The following RIPOR3 variants were observed in gnomAD, a reference collection of about 807,000 sequenced individuals.
The protein encoded by RIPOR3 is RIPOR family member 3, also known as family with sequence similarity 65 member C.
A neutral mutation model predicts 114.3 loss-of-function variants in RIPOR3; 95 were observed. That is an observed-to-expected ratio of 0.83 (90% CI 0.70 to 0.99). The LOEUF (loss-of-function observed/expected upper bound fraction) is 0.99. Ranked by LOEUF, RIPOR3 falls within the 50% of genes least tolerant of loss-of-function variation. The pLI, the probability that RIPOR3 is intolerant of heterozygous loss-of-function variation, is 0.00. For synonymous variants in RIPOR3, 575 were observed against 543.8 expected (o/e 1.06, Z -0.80); for missense variants, 1,252 against 1,266.9 (o/e 0.99, Z 0.18).
intron 2 of RIPOR3, chr20:50,621,036 G>A: frequency 2.1e-6 from 1 of 480,166 alleles, no homozygotes; most frequent in Non-Finnish European, 4.1e-6. Context: ...CCGAGCCAAT[G>A]TCCTGGCCGC....
Position 50,619,826 on chromosome 20 carries a change from G to A in RIPOR3, c.269+160C>T, listed in dbSNP as rs111641782. Among the ~76,000 whole-genome samples, 180 of 152,306 alleles carry A rather than the reference G, an allele frequency of 1.2e-3. 2 individuals carry two copies. The highest frequency in any genetic ancestry group is 4.0e-3 in the African/African-American group (165 of 41,556). On this transcript the variant is annotated intron_variant, in intron 3 of 21. Coordinates refer to ENST00000327979, the MANE Select transcript of RIPOR3 (RefSeq NM_001290268.2). Reference sequence around the variant, plus strand: ...AGTGCCCAAGGACCGGGCTGAGCACGCGGCTGCACCCTGACATACTTGCTT... The same window carrying A: ...AGTGCCCAAGGACCGGGCTGAGCACACGGCTGCACCCTGACATACTTGCTT...
rs1258532719 is a variant in RIPOR3 at position 50,602,121 on chromosome 20, T to G, written c.1610A>C (p.Gln537Pro). Residue 537 changes from glutamine (Q) to proline (P), a missense_variant, in exon 13 of 22, where the codon CAG becomes CCG. Coordinates refer to ENST00000327979, the MANE Select transcript of RIPOR3 (RefSeq NM_001290268.2). The surrounding 1 kb of genome is among the most constrained non-coding windows in gnomAD (Gnocchi z 4.3). ...GACCTGGTACTCCAGCTCCCGGAGC[T>G]GGGGCTGGGTGGAGTCCGTGGGCCT... The part of the protein sequence containing the change: ...LLRPTDSTQP[Q>P]LRELEYQVLG... The G allele has an allele frequency of 1.2e-6, 2 of 1,605,658 alleles. No individual in the cohort carries two copies. The highest frequency in any genetic ancestry group is 1.1e-5 in the South Asian group (1 of 90,322).
In RIPOR3 at chr20:50,602,798, A is replaced by G. The variant is rs992753123; in HGVS notation, c.1087-154T>C. Among the ~76,000 whole-genome samples, 11 of 152,150 alleles carry G rather than the reference A, an allele frequency of 7.2e-5. No individual in the cohort carries two copies. Among genetic ancestry groups the G allele is most frequent in the Admixed American group, 6.5e-4 (10 of 15,280 alleles). ...GGTGACCAGCATCCCAGAGGTGCAGAAAAAACCCTGTCCCCTCTCTGCACT... is the reference window on the plus strand; with the variant it reads ...GGTGACCAGCATCCCAGAGGTGCAGGAAAAACCCTGTCCCCTCTCTGCACT... On this transcript the variant is annotated intron_variant, in intron 12 of 21. Transcript: ENST00000327979. The surrounding 1 kb of genome is among the most constrained non-coding windows in gnomAD (Gnocchi z 4.3).
Position 50,619,177 on chromosome 20 carries a change from A to T in RIPOR3, c.269+809T>A, listed in dbSNP as rs372468504. ...AAAATAAGGAGGCTATGCCAGGTGC[A>T]GTGGCTCACGCTTGAACCCAGGAGG... is the stretch of plus-strand genomic sequence containing the variant. On this transcript the variant is annotated intron_variant, in intron 3 of 21. Transcript: ENST00000327979. 3.9e-5 allele frequency among the ~76,000 whole-genome samples: 6 copies of T among 152,216 alleles called. No homozygotes were observed. In the East Asian group the frequency reaches 5.8e-4, roughly 15 times the overall value.
intron 1 of RIPOR3, among the ~76,000 whole-genome samples, chr20:50,657,744 T>C (rs1438700821): frequency 6.6e-6 from 1 of 150,682 alleles, no homozygotes; most frequent in Non-Finnish European, 1.5e-5. Context: ...GTAAATGTCT[T>C]TTACTTTTTT....
At chr20:50,596,031 G>T (rs1189939368) in intron 15 of RIPOR3, 109 bp downstream of exon 15, 45 of 1,475,912 alleles carry the variant, frequency 3.0e-5, no homozygotes, top group Non-Finnish European at 4.2e-5. Context: ...CTTCCAGGAT[G>T]CAGGTCTGTC....
chr20:50,591,184 A>G (rs918545273), intron 19 of RIPOR3, among the ~76,000 whole-genome samples: 5 of 152,230 alleles, frequency 3.3e-5, no homozygotes, highest in South Asian at 4.1e-4. Context: ...TGTAGATACT[A>G]TTTTAACAAA....
intron 20 of RIPOR3, among the ~76,000 whole-genome samples, chr20:50,588,806 C>T (rs534676933): frequency 1.0e-4 from 15 of 149,772 alleles, no homozygotes; most frequent in African/African-American, 3.2e-4. Context: ...CTAGGCCGGG[C>T]GCGGTGGCTC....
At chr20:50,596,543 C>T (rs1029760352) in intron 14 of RIPOR3, among the ~76,000 whole-genome samples, 7 of 152,180 alleles carry the variant, frequency 4.6e-5, no homozygotes, top group Non-Finnish European at 8.8e-5. Context: ...AGCTCTGTGA[C>T]GCTGGACAAG....
At position 50,599,775 on chromosome 20, in the gene RIPOR3, G is replaced by A. The variant is rs1335875012; in HGVS notation, c.1660-2065C>T. 9.9e-5 allele frequency among the ~76,000 whole-genome samples: 15 copies of A among 152,240 alleles called. No individual in the cohort carries two copies. The East Asian group carries it at 1.3e-3, about 14-fold the overall frequency. On this transcript the variant is annotated intron_variant, in intron 13 of 21. Coordinates refer to ENST00000327979, the MANE Select transcript of RIPOR3 (RefSeq NM_001290268.2). ...CGGCCCCAAAACCCACTTTGGAATCGCCTCGAGTATTGATTTGGGGGTTAG... is the reference window on the plus strand; with the variant it reads ...CGGCCCCAAAACCCACTTTGGAATCACCTCGAGTATTGATTTGGGGGTTAG...
In RIPOR3 at chr20:50,604,706, T is replaced by C. The variant is rs1435421791; in HGVS notation, c.1025A>G (p.Lys342Arg). 2 of 1,609,894 alleles carry C rather than the reference T, an allele frequency of 1.2e-6. No individual in the cohort carries two copies. The highest frequency in any genetic ancestry group is 1.7e-6 in the Non-Finnish European group (2 of 1,178,540). The change falls in exon 12 of 22, where the codon AAG becomes AGG. Residue 342 changes from lysine (K) to arginine (R), a missense_variant. By Grantham distance (26) the Lys-to-Arg change is conservative. Coordinates refer to ENST00000327979, the MANE Select transcript of RIPOR3 (RefSeq NM_001290268.2). ...GGGTGTCCAGTTGTACAAGGAGCCC[T>C]TCCTGCTGCCCATAGAAAACTTGCC... ...PTGKFSMGSR[K>R]GSLYNWTPPS...
chr20:50,617,251 C>T (rs1006164221), intron 3 of RIPOR3, among the ~76,000 whole-genome samples: 2 of 152,178 alleles, frequency 1.3e-5, no homozygotes, highest in Non-Finnish European at 1.5e-5. Flanking sequence ...CTGGGCTCTA[C>T]TGACACCACC....
intron 17 of RIPOR3, 129 bp from the exon 18 acceptor site, chr20:50,593,325 CA>C: frequency 9.5e-7 from 1 of 1,056,086 alleles, no homozygotes; most frequent in South Asian, 1.7e-5. Flanking sequence ...GTAACCCCAG[CA>C]CTTTGGGAGG....
intron 1 of RIPOR3, among the ~76,000 whole-genome samples, chr20:50,637,298 T>A (rs2085021584): frequency 1.3e-5 from 2 of 151,938 alleles, no homozygotes; most frequent in African/African-American, 4.8e-5. Flanking sequence ...GGAGCCCCCC[T>A]CCAGCCTTTG....
chr20:50,625,900 C>A (rs1039233325), intron 2 of RIPOR3, among the ~76,000 whole-genome samples: 6 of 152,202 alleles, frequency 3.9e-5, no homozygotes, highest in Admixed American at 3.9e-4. Flanking sequence ...AATTTCCCCA[C>A]CAGGTTACTT....
chr20:50,609,000 C>G (rs1049071693), intron 8 of RIPOR3, 45 bp from the exon 9 acceptor site: 46 of 1,555,326 alleles, frequency 3.0e-5, no homozygotes, highest in Non-Finnish European at 3.5e-5. Context: ...TTCCACTCTC[C>G]CTGACCTGGG....
intron 19 of RIPOR3, 135 bp downstream of exon 19, chr20:50,592,209 G>A: frequency 5.9e-6 from 5 of 852,610 alleles, no homozygotes; most frequent in Non-Finnish European, 6.8e-6. Context: ...TCGTAGCCCA[G>A]GTCCCTCCAT....
At chr20:50,593,249 C>G in intron 17 of RIPOR3, 53 bp from the exon 18 acceptor site, 3 of 1,578,490 alleles carry the variant, frequency 1.9e-6, no homozygotes. Flanking sequence ...ACCCTCCACG[C>G]TTCTCAGCTG....
intron 1 of RIPOR3, among the ~76,000 whole-genome samples, chr20:50,641,938 T>TG (rs1214730009): frequency 1.3e-5 from 2 of 152,194 alleles, no homozygotes; most frequent in East Asian, 1.9e-4. Flanking sequence ...AGAAATGGTC[T>TG]GGGGGGTAAG....
Sources: gnomAD v4.1 joint callset for allele counts (sites outside exome capture counted in the v4.1 genomes callset) on GRCh38, gnomAD v4.1.1 for gene constraint, Gnocchi (gnomAD v3.1) non-coding constraint, MANE v1.5 for transcripts, NCBI Gene and HGNC (gene_info 2026-07-23, HGNC 2026-07-21) for gene names.